Variants in KCNIP3 observed in about 807,000 individuals in gnomAD.
KCNIP3 encodes the protein potassium voltage-gated channel interacting protein 3.
In KCNIP3, 28 loss-of-function variants were observed where a neutral mutation model predicts 35.0. The ratio of observed to expected loss-of-function variants is 0.80; its 90% CI spans 0.59 to 1.10. KCNIP3 has a LOEUF of 1.10. Ranked by LOEUF, KCNIP3 falls within the 50% of genes least tolerant of loss-of-function variation. KCNIP3 has a pLI of 0.00. For synonymous variants in KCNIP3, 134 were observed against 133.8 expected (o/e 1.00, Z -0.01); for missense variants, 295 against 338.4 (o/e 0.87, Z 1.01).
chr2:95,342,670 G>A (rs1679221735), intron 2 of KCNIP3, among the ~76,000 whole-genome samples: 1 of 152,150 alleles, frequency 6.6e-6, no homozygotes, highest in Admixed American at 6.5e-5. Context: ...TCTCAGGCCC[G>A]CTGTTCCCAC....
intron 7 of KCNIP3, among the ~76,000 whole-genome samples, 199 bp from the exon 8 acceptor site, chr2:95,383,033 G>A (rs533640665): frequency 6.6e-6 from 1 of 152,318 alleles, no homozygotes; most frequent in East Asian, 1.9e-4. Flanking sequence ...TCAGCAGTTG[G>A]TTGGGAGGTG....
chr2:95,315,361 A>C (rs1488764966), intron 2 of KCNIP3, among the ~76,000 whole-genome samples: 4 of 152,180 alleles, frequency 2.6e-5, no homozygotes, highest in Non-Finnish European at 4.4e-5. Context: ...CAGAGGAGCC[A>C]GGAACAGAGG....
chr2:95,310,839 C>T (rs1393098333), intron 2 of KCNIP3: 1 of 401,268 alleles, frequency 2.5e-6, no homozygotes, highest in Non-Finnish European at 4.7e-6. Flanking sequence ...CTGCCCACTG[C>T]TCACGCCCTG....
At chr2:95,354,318 C>T (rs569319525) in intron 2 of KCNIP3, among the ~76,000 whole-genome samples, 1 of 152,230 alleles carries the variant, frequency 6.6e-6, no homozygotes, top group Non-Finnish European at 1.5e-5. Flanking sequence ...TGGCAAGCAT[C>T]GGGTGTTCAG....
chr2:95,380,361 C>T (rs1680306589), intron 5 of KCNIP3, among the ~76,000 whole-genome samples: 1 of 152,220 alleles, frequency 6.6e-6, no homozygotes, highest in Non-Finnish European at 1.5e-5. Flanking sequence ...CTCTGTCTCT[C>T]TCATGGTACA....
At chr2:95,330,621 C>A (rs1678906299) in intron 2 of KCNIP3, among the ~76,000 whole-genome samples, 1 of 152,222 alleles carries the variant, frequency 6.6e-6, no homozygotes, top group African/African-American at 2.4e-5. Context: ...AGAGGACAGG[C>A]ACACAGTCAC....
chr2:95,356,797 G>T (rs1679665928), intron 2 of KCNIP3, among the ~76,000 whole-genome samples: 1 of 152,164 alleles, frequency 6.6e-6, no homozygotes, highest in Non-Finnish European at 1.5e-5. Context: ...CCTAGGAGGA[G>T]GCACTTTTGG....
chr2:95,321,605 T>C (rs142610242), intron 2 of KCNIP3, among the ~76,000 whole-genome samples: 16 of 152,334 alleles, frequency 1.1e-4, no homozygotes, highest in Non-Finnish European at 2.2e-4. Context: ...CAAGGTTCTG[T>C]TGAACTCCCT....
At chr2:95,357,879 C>T (rs1435672101) in intron 2 of KCNIP3, among the ~76,000 whole-genome samples, 1 of 152,196 alleles carries the variant, frequency 6.6e-6, no homozygotes, top group Non-Finnish European at 1.5e-5. Flanking sequence ...GTTGTCTGAG[C>T]CAGCTGTGTC....
intron 2 of KCNIP3, among the ~76,000 whole-genome samples, chr2:95,328,088 C>T (rs978937903): frequency 5.3e-4 from 81 of 152,354 alleles, no homozygotes; most frequent in Admixed American, 3.5e-3. Context: ...GGCCCGTGTG[C>T]AGTTTATCTC....
intron 2 of KCNIP3, among the ~76,000 whole-genome samples, chr2:95,347,762 C>T (rs530134805): frequency 6.6e-6 from 1 of 152,362 alleles, no homozygotes; most frequent in South Asian, 2.1e-4. Flanking sequence ...TGTAGCTTTT[C>T]CCCTGTTCAA....
At chr2:95,324,020 G>C (rs1179116340) in intron 2 of KCNIP3, among the ~76,000 whole-genome samples, 1 of 152,208 alleles carries the variant, frequency 6.6e-6, no homozygotes, top group Non-Finnish European at 1.5e-5. Flanking sequence ...GGCAGAGGGA[G>C]CCCGCGGCCA....
chr2:95,366,139 C>T (rs971158153), intron 2 of KCNIP3, among the ~76,000 whole-genome samples: 1 of 152,128 alleles, frequency 6.6e-6, no homozygotes, highest in East Asian at 1.9e-4. Flanking sequence ...CACCACCACA[C>T]CGGGCACCTG....
At chr2:95,365,504 T>C (rs1679895731) in intron 2 of KCNIP3, among the ~76,000 whole-genome samples, 1 of 152,122 alleles carries the variant, frequency 6.6e-6, no homozygotes, top group African/African-American at 2.4e-5. Flanking sequence ...ATTGACCACA[T>C]GGAGATCATC....
intron 2 of KCNIP3, among the ~76,000 whole-genome samples, chr2:95,318,657 G>A (rs950731038): frequency 2.6e-5 from 4 of 152,168 alleles, no homozygotes; most frequent in East Asian, 3.9e-4. Flanking sequence ...TCTCGGCCAC[G>A]GGGCTACGAA....
chr2:95,328,523 G>A (rs1422828061), intron 2 of KCNIP3, among the ~76,000 whole-genome samples: 2 of 152,256 alleles, frequency 1.3e-5, no homozygotes, highest in African/African-American at 4.8e-5. Flanking sequence ...AATCTGGGGA[G>A]GGTGGGCTGG....
At chr2:95,368,529 T>TA (rs987304188) in intron 2 of KCNIP3, 262 of 327,578 alleles carry the variant, frequency 8.0e-4, no homozygotes, top group South Asian at 1.8e-3. Context: ...CCTATGGAAA[T>TA]AAAAAAAAAT....
chr2:95,375,302 C>A, intron 5 of KCNIP3, 94 bp downstream of exon 5: 1 of 1,176,890 alleles, frequency 8.5e-7, no homozygotes, highest in South Asian at 1.3e-5. Context: ...GTCGAGAGAG[C>A]CATGGTCCTG....
chr2:95,352,946 A>T (rs1457655476), intron 2 of KCNIP3, among the ~76,000 whole-genome samples: 1 of 152,246 alleles, frequency 6.6e-6, no homozygotes, highest in Non-Finnish European at 1.5e-5. Flanking sequence ...GAGGGTGTGC[A>T]GCTGTCAGGT....
Sources: gnomAD v4.1 joint callset for allele counts (sites outside exome capture counted in the v4.1 genomes callset) on GRCh38, gnomAD v4.1.1 for gene constraint, MANE v1.5 for transcripts, NCBI Gene and HGNC (gene_info 2026-07-23, HGNC 2026-07-21) for gene names.